Variants in ATP2B4 observed in about 807,000 individuals in gnomAD.
ATP2B4 encodes the protein ATPase plasma membrane Ca2+ transporting 4, also known as plasma membrane calcium-transporting ATPase 4.
Under a neutral mutation model 110.3 loss-of-function variants are expected in ATP2B4, and 39 were observed. That is an observed-to-expected ratio of 0.35 (90% CI 0.27 to 0.46). ATP2B4 has a LOEUF of 0.46. Ranked by LOEUF, ATP2B4 falls within the 20% of genes least tolerant of loss-of-function variation. The pLI, the probability that ATP2B4 is intolerant of heterozygous loss-of-function variation, is 1.00. For synonymous variants in ATP2B4, 538 were observed against 571.7 expected (o/e 0.94, Z 0.84); for missense variants, 1,135 against 1,530.9 (o/e 0.74, Z 4.32).
chr1:203,735,002 C>CAAAAAAAAAAAAAAAAAAAAAAAAAAAAA (rs35552196), intron 20 of ATP2B4, among the ~76,000 whole-genome samples: 1 of 57,132 alleles, frequency 1.8e-5, no homozygotes, highest in Admixed American at 2.7e-4. Flanking sequence ...GACTCCATCT[C>CAAAAAAAAAAAAAAAAAAAAAAAAAAAAA]AAAAAAAAAA....
intron 1 of ATP2B4, among the ~76,000 whole-genome samples, chr1:203,669,770 G>A (rs1489917028): frequency 1.3e-5 from 2 of 152,132 alleles, no homozygotes; most frequent in Non-Finnish European, 2.9e-5. Context: ...TCCTTCCCTT[G>A]GAAACAGAAG....
intron 15 of ATP2B4, among the ~76,000 whole-genome samples, chr1:203,714,783 G>C (rs1233266278): frequency 1.3e-5 from 2 of 152,132 alleles, no homozygotes; most frequent in African/African-American, 4.8e-5. Context: ...CTGATGTTCA[G>C]AAAGGTTTAG....
At chr1:203,653,985 A>ATTTT (rs1218633538) in intron 1 of ATP2B4, among the ~76,000 whole-genome samples, 10 of 112,440 alleles carry the variant, frequency 8.9e-5, no homozygotes, top group African/African-American at 3.9e-4. Flanking sequence ...ATATATATAT[A>ATTTT]TTTTTTTTTT....
chr1:203,734,929 A>G (rs531106408), intron 20 of ATP2B4, among the ~76,000 whole-genome samples: 37 of 137,332 alleles, frequency 2.7e-4, no homozygotes, highest in Non-Finnish European at 3.5e-4. Context: ...GCTGGAACCC[A>G]GGAGGCGGAG....
At chr1:203,737,034 G>A (rs752529582) in intron 20 of ATP2B4, among the ~76,000 whole-genome samples, 16 of 152,148 alleles carry the variant, frequency 1.1e-4, no homozygotes, top group Non-Finnish European at 1.3e-4. Context: ...CAGTCTAGCT[G>A]GATGACTGTT....
chr1:203,692,712 T>C (rs887522533), intron 2 of ATP2B4, among the ~76,000 whole-genome samples: 5 of 152,190 alleles, frequency 3.3e-5, no homozygotes, highest in Non-Finnish European at 5.9e-5. Context: ...TGATAAGTAG[T>C]GCCTCTGCCG....
chr1:203,645,306 C>T (rs1465508642), intron 1 of ATP2B4, among the ~76,000 whole-genome samples: 1 of 152,146 alleles, frequency 6.6e-6, no homozygotes, highest in African/African-American at 2.4e-5. Context: ...TGCCTGGGCC[C>T]TAGGCAACAC....
At chr1:203,664,047 A>G (rs1048981368) in intron 1 of ATP2B4, among the ~76,000 whole-genome samples, 1 of 152,194 alleles carries the variant, frequency 6.6e-6, no homozygotes, top group Non-Finnish European at 1.5e-5. Context: ...AAAGAATGAT[A>G]TTGTCAGTCC....
At chr1:203,667,986 G>A (rs921249763) in intron 1 of ATP2B4, among the ~76,000 whole-genome samples, 1 of 152,208 alleles carries the variant, frequency 6.6e-6, no homozygotes, top group African/African-American at 2.4e-5. Context: ...GCAATCTTCT[G>A]CAGAAACAAA....
intron 2 of ATP2B4, among the ~76,000 whole-genome samples, chr1:203,695,631 T>G (rs991382280): frequency 6.6e-6 from 1 of 152,102 alleles, no homozygotes; most frequent in Non-Finnish European, 1.5e-5. Context: ...CACTAGCAAG[T>G]GAATGTGGTC....
Position 203,739,497 on chromosome 1 carries a change from A to G in ATP2B4, c.3310-49A>G, listed in dbSNP as rs149273180. On this transcript the variant is annotated intron_variant, in intron 20 of 20. Coordinates refer to ENST00000357681, the MANE Select transcript of ATP2B4 (RefSeq NM_001684.5). ...CACCATCTCCTTGTTCTGCCGGCCAATTCTCACCTCTCTATTTTCTCATCC... is the reference window on the plus strand; with the variant it reads ...CACCATCTCCTTGTTCTGCCGGCCAGTTCTCACCTCTCTATTTTCTCATCC... 1.3e-3 allele frequency: 1,965 copies of G among 1,564,670 alleles called. 22 individuals are homozygous for G. In the East Asian group the frequency reaches 0.023, roughly 18 times the overall value.
chr1:203,695,509 G>C (rs796556720), intron 2 of ATP2B4, among the ~76,000 whole-genome samples: 2 of 152,186 alleles, frequency 1.3e-5, no homozygotes, highest in South Asian at 4.1e-4. Context: ...GGGCTCAGCT[G>C]TGCCCCTAAG....
At chr1:203,693,049 G>A (rs1033729286) in intron 2 of ATP2B4, among the ~76,000 whole-genome samples, 1 of 152,144 alleles carries the variant, frequency 6.6e-6, no homozygotes, top group Non-Finnish European at 1.5e-5. Flanking sequence ...GGAATTTCTA[G>A]GGGAAACCCT....
intron 10 of ATP2B4, 105 bp from the exon 11 acceptor site, chr1:203,709,196 C>A (rs1001616378): frequency 4.2e-6 from 6 of 1,437,584 alleles, no homozygotes; most frequent in Middle Eastern, 2.4e-4. Context: ...CCTATGAGCT[C>A]CAGGTATATA....
At chr1:203,627,813 G>A (rs534098332) in intron 1 of ATP2B4, among the ~76,000 whole-genome samples, 1 of 152,266 alleles carries the variant, frequency 6.6e-6, no homozygotes, top group South Asian at 2.1e-4. Context: ...GAGAGTGCAC[G>A]AATTAAATTT....
At chr1:203,653,978 TATA>T (rs1460465637) in intron 1 of ATP2B4, among the ~76,000 whole-genome samples, 176 of 114,150 alleles carry the variant, frequency 1.5e-3, no homozygotes, top group Non-Finnish European at 2.1e-3. Context: ...TATATATATA[TATA>T]TATATTTTTT....
intron 8 of ATP2B4, among the ~76,000 whole-genome samples, chr1:203,705,142 G>A (rs1665814322): frequency 6.6e-6 from 1 of 152,244 alleles, no homozygotes; most frequent in South Asian, 2.1e-4. Context: ...ACATGTGCTA[G>A]TAGTGGCTGT....
intron 1 of ATP2B4, among the ~76,000 whole-genome samples, chr1:203,630,347 TTCTC>T (rs61003306): frequency 0.013 from 1,359 of 101,798 alleles, 189 homozygotes; most frequent in African/African-American, 0.015. Flanking sequence ...GAAACCCCTT[TTCTC>T]TCTCTCTCTC....
Position 203,701,922 on chromosome 1 carries a change from C to G in ATP2B4, c.902-122C>G, listed in dbSNP as rs1665704157. On this transcript the variant is annotated intron_variant, in intron 6 of 20. Coordinates refer to ENST00000357681, the MANE Select transcript of ATP2B4 (RefSeq NM_001684.5). ...TGTGAGCTTCCTTTACATTTATGTC[C>G]CTTCCCTGCAACCCAAACACTTTGC... 135 of 927,388 alleles carry G rather than the reference C, an allele frequency of 1.5e-4. 5 individuals are homozygous for G. The South Asian group carries it at 2.1e-3, about 14-fold the overall frequency. The allele number at this position is 927,388 out of a possible 1,614,324, so 57.4% of individuals were successfully genotyped here.
Sources: gnomAD v4.1 joint callset for allele counts (sites outside exome capture counted in the v4.1 genomes callset) on GRCh38, gnomAD v4.1.1 for gene constraint, MANE v1.5 for transcripts, NCBI Gene and HGNC (gene_info 2026-07-23, HGNC 2026-07-21) for gene names.